The following GOLIM4 variants were observed in gnomAD, a reference collection of about 807,000 sequenced individuals.
GOLIM4 encodes 130 kDa golgi-localized phosphoprotein.
GOLIM4 carries 71 observed loss-of-function variants against 107.4 expected under a neutral mutation model. That is an observed-to-expected ratio of 0.66 (90% CI 0.55 to 0.81). The LOEUF (loss-of-function observed/expected upper bound fraction) is 0.81. GOLIM4 is among the 30% of genes least tolerant of loss of function. GOLIM4 has a pLI of 0.00. For missense variants in GOLIM4, 830 were observed against 826.1 expected (o/e 1.00, Z -0.06); for synonymous variants, 327 against 294.8 (o/e 1.11, Z -1.12).
intron 1 of GOLIM4, among the ~76,000 whole-genome samples, chr3:168,069,574 C>T (rs1720734223): frequency 6.6e-6 from 1 of 152,130 alleles, no homozygotes; most frequent in African/African-American, 2.4e-5. Flanking sequence ...AGACCAGAAG[C>T]CATATGGGTA....
rs1553791608 is a variant in GOLIM4 at position 168,009,430 on chromosome 3, C to CAAACAAAAAAAAAA, written c.*838_*839insTTTTTTTTTTGTTT. 1 of 77,550 alleles carries CAAACAAAAAAAAAA rather than the reference C, an allele frequency of 1.3e-5. No individual in the cohort carries two copies. Among genetic ancestry groups the CAAACAAAAAAAAAA allele is most frequent in the African/African-American group, 3.4e-5 (1 of 29,334 alleles). The allele number at this position is 77,550 out of a possible 1,614,324, so 4.8% of individuals were successfully genotyped here. A position where few individuals can be genotyped will look rare whatever the true frequency, so the allele number is the denominator to read the frequency against. On this transcript the variant is annotated 3_prime_UTR_variant, in exon 16 of 16. Transcript: ENST00000470487. The stretch of plus-strand genomic sequence containing the variant: ...AAGAATATCAATCAATGGCTTCAAA[C>CAAACAAAAAAAAAA]AAAAAAAAAAAAAAAAAATTGAGAA...
chr3:168,017,535 G>C (rs1009448261), intron 14 of GOLIM4, among the ~76,000 whole-genome samples: 3 of 152,118 alleles, frequency 2.0e-5, no homozygotes, highest in African/African-American at 7.2e-5. Flanking sequence ...TCTGTATATG[G>C]GAGAACTGTA....
At chr3:168,043,750 C>T (rs1719154360) in intron 4 of GOLIM4, among the ~76,000 whole-genome samples, 1 of 152,132 alleles carries the variant, frequency 6.6e-6, no homozygotes, top group Non-Finnish European at 1.5e-5. Context: ...ATAATTTTCC[C>T]CTTAATTTTT....
intron 1 of GOLIM4, among the ~76,000 whole-genome samples, chr3:168,056,200 G>A (rs1719960025): frequency 6.6e-6 from 1 of 152,238 alleles, no homozygotes; most frequent in African/African-American, 2.4e-5. Flanking sequence ...TTGGGCTATG[G>A]CTTCAGAAGG....
intron 2 of GOLIM4, among the ~76,000 whole-genome samples, chr3:168,048,030 A>T (rs1240549259): frequency 2.0e-5 from 3 of 151,722 alleles, no homozygotes; most frequent in Non-Finnish European, 4.4e-5. Flanking sequence ...ATTATATGTT[A>T]TTCCTGAAAT....
At chr3:168,063,921 T>C (rs756730763) in intron 1 of GOLIM4, among the ~76,000 whole-genome samples, 5 of 151,974 alleles carry the variant, frequency 3.3e-5, no homozygotes, top group Non-Finnish European at 5.9e-5. Context: ...TATGGGACTG[T>C]GGGTTTTAGG....
chr3:168,013,059 T>G (rs571920555), intron 14 of GOLIM4, among the ~76,000 whole-genome samples: 1 of 150,100 alleles, frequency 6.7e-6, no homozygotes, highest in Admixed American at 6.6e-5. Flanking sequence ...TAAATGTAAA[T>G]GGACTAAATG....
At chr3:168,080,249 C>T (rs1363888777) in intron 1 of GOLIM4, among the ~76,000 whole-genome samples, 1 of 152,158 alleles carries the variant, frequency 6.6e-6, no homozygotes, top group Non-Finnish European at 1.5e-5. Flanking sequence ...AACAGAAACG[C>T]ACTCTGAAAT....
intron 14 of GOLIM4, among the ~76,000 whole-genome samples, chr3:168,011,641 C>T (rs1289333641): frequency 3.0e-4 from 45 of 150,938 alleles, no homozygotes; most frequent in African/African-American, 1.1e-3. Context: ...CTTAAATGTC[C>T]CTGTCTGACA....
intron 8 of GOLIM4, among the ~76,000 whole-genome samples, chr3:168,034,448 C>T (rs1205676265): frequency 6.6e-6 from 1 of 152,130 alleles, no homozygotes; most frequent in Non-Finnish European, 1.5e-5. Context: ...AACATAAGAG[C>T]CTGAGAAAGA....
chr3:168,040,327 A>G (rs1718910672), intron 7 of GOLIM4, among the ~76,000 whole-genome samples: 1 of 152,108 alleles, frequency 6.6e-6, no homozygotes, highest in Non-Finnish European at 1.5e-5. Context: ...CTGTAATTTG[A>G]CCAACAACAC....
intron 1 of GOLIM4, among the ~76,000 whole-genome samples, chr3:168,093,935 G>A (rs1577587014): frequency 6.6e-6 from 1 of 152,144 alleles, no homozygotes; most frequent in East Asian, 1.9e-4. Flanking sequence ...TTTCATATCT[G>A]CACACACATA....
At chr3:168,067,037 T>C (rs1337643789) in intron 1 of GOLIM4, among the ~76,000 whole-genome samples, 11 of 152,126 alleles carry the variant, frequency 7.2e-5, no homozygotes, top group African/African-American at 1.7e-4. Context: ...TCCATAAACC[T>C]GCATTAATAA....
chr3:168,047,620 C>T (rs1169451463), intron 2 of GOLIM4, among the ~76,000 whole-genome samples: 1 of 152,128 alleles, frequency 6.6e-6, no homozygotes, highest in Admixed American at 6.5e-5. Context: ...GCAGACAGAA[C>T]ACGTAATTTA....
At chr3:168,079,641 A>G (rs1327072409) in intron 1 of GOLIM4, among the ~76,000 whole-genome samples, 1 of 152,202 alleles carries the variant, frequency 6.6e-6, no homozygotes, top group Non-Finnish European at 1.5e-5. Context: ...CACATGCCCA[A>G]TACTTTGTTC....
intron 11 of GOLIM4, among the ~76,000 whole-genome samples, chr3:168,028,359 T>C (rs1336497000): frequency 6.6e-6 from 1 of 152,242 alleles, no homozygotes; most frequent in Non-Finnish European, 1.5e-5. Context: ...CACACATTCA[T>C]ACTCAGACAT....
intron 1 of GOLIM4, among the ~76,000 whole-genome samples, chr3:168,082,289 G>C (rs1294263991): frequency 1.3e-5 from 2 of 152,172 alleles, no homozygotes. Context: ...CTTAGGCAAT[G>C]AGCTGGTGCT....
At position 168,095,412 on chromosome 3, in the gene GOLIM4, A is replaced by C; in HGVS notation, c.-127T>G. ...GCATGAGGAGGAGATGCCAGACACA[A>C]AAGCCGGCCCGGAGGGGAAGTGGCG... On this transcript the variant is annotated 5_prime_UTR_variant, in exon 1 of 16. Transcript: ENST00000470487. 6.9e-6 allele frequency: 5 copies of C among 725,020 alleles called. No individual in the cohort carries two copies. The highest frequency in any genetic ancestry group is 1.1e-5 in the Non-Finnish European group (5 of 458,144). 44.9% of individuals were successfully genotyped at this position (725,020 alleles called of 1,614,324 possible).
intron 14 of GOLIM4, among the ~76,000 whole-genome samples, chr3:168,011,573 G>T (rs1436908034): frequency 1.3e-5 from 2 of 151,810 alleles, no homozygotes; most frequent in Admixed American, 1.3e-4. Flanking sequence ...GCCTCTGTAG[G>T]CTCCACCTCT....
Sources: gnomAD v4.1 joint callset for allele counts (sites outside exome capture counted in the v4.1 genomes callset) on GRCh38, gnomAD v4.1.1 for gene constraint, MANE v1.5 for transcripts, NCBI Gene and HGNC (gene_info 2026-07-23, HGNC 2026-07-21) for gene names.